The following FBXL17 variants were observed in gnomAD, a reference collection of about 807,000 sequenced individuals.
FBXL17 encodes the protein F-box/LRR-repeat protein 17.
FBXL17 carries 22 observed loss-of-function variants against 66.2 expected under a neutral mutation model. That is an observed-to-expected ratio of 0.33 (90% CI 0.24 to 0.47). The LOEUF (loss-of-function observed/expected upper bound fraction) is 0.47. Among genes scored for constraint, FBXL17 ranks in the 20% least tolerant of loss-of-function variants. The pLI is 1.00. For synonymous variants in FBXL17, 474 were observed against 400.5 expected, an observed-to-expected ratio of 1.18 and a Z score of -2.19; for missense variants, 878 against 948.2, an observed-to-expected ratio of 0.93 and a Z score of 0.97.
At chr5:107,996,544 A>C (rs1753480389) in intron 7 of FBXL17, among the ~76,000 whole-genome samples, 1 of 152,160 alleles carries the variant, frequency 6.6e-6, no homozygotes, top group Non-Finnish European at 1.5e-5. Context: ...AGAACTCCTG[A>C]TCTCAGGTGA....
At chr5:107,929,515 TAA>T (rs1375815072) in intron 7 of FBXL17, among the ~76,000 whole-genome samples, 1 of 152,210 alleles carries the variant, frequency 6.6e-6, no homozygotes, top group African/African-American at 2.4e-5. Flanking sequence ...AGCACACACA[TAA>T]TATATGTAAT....
chr5:108,337,286 C>T (rs1245448687), intron 4 of FBXL17, among the ~76,000 whole-genome samples: 3 of 150,266 alleles, frequency 2.0e-5, no homozygotes, highest in African/African-American at 7.3e-5. Flanking sequence ...TTTCCCAGAA[C>T]TAAAGCAAAA....
intron 6 of FBXL17, among the ~76,000 whole-genome samples, chr5:108,169,555 CT>C (rs1752531707): frequency 1.3e-5 from 2 of 152,070 alleles, no homozygotes; most frequent in Admixed American, 1.3e-4. Flanking sequence ...TTTTATCCCC[CT>C]GTATTTAGTT....
chr5:108,313,949 C>T (rs1759239631), intron 4 of FBXL17, among the ~76,000 whole-genome samples: 1 of 151,842 alleles, frequency 6.6e-6, no homozygotes, highest in East Asian at 1.9e-4. Context: ...AGTTACCATA[C>T]AGAAAAATGT....
chr5:108,353,092 T>C (rs759518374), intron 3 of FBXL17, among the ~76,000 whole-genome samples: 10 of 152,196 alleles, frequency 6.6e-5, no homozygotes, highest in Non-Finnish European at 1.3e-4. Flanking sequence ...CTGTAATGCT[T>C]GCTTTAAAAG....
intron 6 of FBXL17, among the ~76,000 whole-genome samples, chr5:108,152,517 T>C (rs1751812495): frequency 6.6e-6 from 1 of 152,210 alleles, no homozygotes; most frequent in Non-Finnish European, 1.5e-5. Flanking sequence ...CCTCGGGCTC[T>C]AGTATGATTC....
At chr5:108,276,365 T>G (rs1757482861) in intron 4 of FBXL17, among the ~76,000 whole-genome samples, 1 of 152,184 alleles carries the variant, frequency 6.6e-6, no homozygotes, top group Admixed American at 6.5e-5. Flanking sequence ...GATGATTGAT[T>G]GCATTTTTCC....
intron 6 of FBXL17, among the ~76,000 whole-genome samples, chr5:108,028,155 T>A (rs1466328711): frequency 2.0e-5 from 3 of 152,114 alleles, no homozygotes; most frequent in Non-Finnish European, 2.9e-5. Context: ...GTTAATGAAT[T>A]GTAATTCTTT....
intron 6 of FBXL17, among the ~76,000 whole-genome samples, chr5:108,074,029 C>T (rs1748446491): frequency 6.6e-6 from 1 of 152,226 alleles, no homozygotes. Flanking sequence ...CCTCTTGACT[C>T]TATAACCTGA....
intron 4 of FBXL17, among the ~76,000 whole-genome samples, chr5:108,339,686 A>C (rs1373441825): frequency 6.6e-6 from 1 of 152,204 alleles, no homozygotes; most frequent in Non-Finnish European, 1.5e-5. Context: ...TAAATCCAAA[A>C]GAAGCATTCT....
chr5:108,379,146 G>A (rs542565722), intron 1 of FBXL17, among the ~76,000 whole-genome samples: 9 of 152,270 alleles, frequency 5.9e-5, no homozygotes, highest in African/African-American at 2.2e-4. Context: ...TTTATTATGA[G>A]ATCATGTCCC....
chr5:108,235,824 AAATG>A (rs1182502732), intron 4 of FBXL17, among the ~76,000 whole-genome samples: 2 of 152,188 alleles, frequency 1.3e-5, no homozygotes, highest in South Asian at 2.1e-4. Flanking sequence ...CCAGAAATTA[AAATG>A]AATGAATGAA....
At chr5:108,030,391 G>A (rs757258142) in intron 6 of FBXL17, among the ~76,000 whole-genome samples, 6 of 152,238 alleles carry the variant, frequency 3.9e-5, no homozygotes, top group South Asian at 4.1e-4. Context: ...AAGTAAACAC[G>A]GAGAAAGGAG....
chr5:108,184,674 G>A (rs1163757847), intron 6 of FBXL17, among the ~76,000 whole-genome samples: 3 of 149,498 alleles, frequency 2.0e-5, no homozygotes, highest in East Asian at 2.0e-4. Context: ...AACCCAGGAG[G>A]TGGAGGCTGA....
At chr5:108,203,753 T>C (rs1753995236) in intron 5 of FBXL17, among the ~76,000 whole-genome samples, 1 of 152,120 alleles carries the variant, frequency 6.6e-6, no homozygotes, top group South Asian at 2.1e-4. Flanking sequence ...TCTAAACCAA[T>C]CGATTGTTTG....
intron 6 of FBXL17, among the ~76,000 whole-genome samples, chr5:108,096,574 C>CTCAA (rs1451483723): frequency 6.6e-6 from 1 of 152,112 alleles, no homozygotes; most frequent in Middle Eastern, 3.2e-3. Flanking sequence ...CACTCATTGG[C>CTCAA]TCAACTTGGG....
At chr5:108,180,431 G>A (rs185251240) in intron 6 of FBXL17, among the ~76,000 whole-genome samples, 5 of 152,044 alleles carry the variant, frequency 3.3e-5, no homozygotes, top group African/African-American at 9.6e-5. Context: ...ACTTGAGCCC[G>A]GGAAGCAGAG....
intron 6 of FBXL17, among the ~76,000 whole-genome samples, chr5:108,088,700 C>CAAAAAAAAAAAAAAAAAAAA (rs57707936): frequency 4.1e-5 from 2 of 49,346 alleles, no homozygotes; most frequent in African/African-American, 1.7e-4. Flanking sequence ...GACTCTATCT[C>CAAAAAAAAAAAAAAAAAAAA]AAAAAAAAAA....
chr5:108,103,765 T>A (rs1217861655), intron 6 of FBXL17, among the ~76,000 whole-genome samples: 2 of 151,312 alleles, frequency 1.3e-5, no homozygotes, highest in East Asian at 3.8e-4. Context: ...GGGCTTTTAT[T>A]ATAGTTAAAA....
Sources: gnomAD v4.1 joint callset for allele counts (sites outside exome capture counted in the v4.1 genomes callset) on GRCh38, gnomAD v4.1.1 for gene constraint, MANE v1.5 for transcripts, NCBI Gene and HGNC (gene_info 2026-07-23, HGNC 2026-07-21) for gene names.